GLIS3: variants seen among roughly 807,000 people sequenced by gnomAD.
GLIS3 encodes GLIS family zinc finger 3, also known as zinc finger protein GLIS3.
GLIS3 carries 53 observed loss-of-function variants against 78.6 expected under a neutral mutation model. The observed-to-expected ratio is 0.67, with a 90% CI of 0.54 to 0.85. GLIS3 has a LOEUF of 0.85. Among genes scored for constraint, GLIS3 ranks in the 40% least tolerant of loss-of-function variants. GLIS3 has a pLI of 0.00. For missense variants in GLIS3, 1,703 were observed against 1,231.1 expected (o/e 1.38, Z -5.74); for synonymous variants, 684 against 509.9 (o/e 1.34, Z -4.60).
intron 2 of GLIS3, among the ~76,000 whole-genome samples, chr9:4,184,058 G>C (rs747199595): frequency 1.8e-4 from 27 of 151,930 alleles, no homozygotes; most frequent in Non-Finnish European, 3.4e-4. Flanking sequence ...GGTTATAAAA[G>C]AAACAAGCAC....
intron 2 of GLIS3, among the ~76,000 whole-genome samples, chr9:4,218,054 A>C (rs1351389047): frequency 6.6e-6 from 1 of 152,216 alleles, no homozygotes; most frequent in Non-Finnish European, 1.5e-5. Flanking sequence ...TAATATGTCC[A>C]AGTGGATCTC....
chr9:4,239,365 C>T (rs563405994), intron 2 of GLIS3, among the ~76,000 whole-genome samples: 1 of 150,846 alleles, frequency 6.6e-6, no homozygotes, highest in Non-Finnish European at 1.5e-5. Context: ...TAGACGTTCA[C>T]GACTTTTTTT....
intron 4 of GLIS3, among the ~76,000 whole-genome samples, chr9:3,949,658 G>C (rs2130837640): frequency 6.6e-6 from 1 of 152,284 alleles, no homozygotes; most frequent in African/African-American, 2.4e-5. Context: ...GAAAAAGAAA[G>C]ATGTTTTCGA....
chr9:4,173,992 TA>T (rs749796593), intron 2 of GLIS3, among the ~76,000 whole-genome samples: 17 of 151,992 alleles, frequency 1.1e-4, no homozygotes, highest in African/African-American at 3.9e-4. Flanking sequence ...CCCATTTGTT[TA>T]AAAAAAACTT....
At chr9:4,092,413 A>G (rs919134396) in intron 4 of GLIS3, among the ~76,000 whole-genome samples, 1 of 152,108 alleles carries the variant, frequency 6.6e-6, no homozygotes, top group Admixed American at 6.6e-5. Flanking sequence ...CAGCCTCCCA[A>G]TAAACTTTAT....
At chr9:3,873,564 G>A (rs1401600911) in intron 8 of GLIS3, among the ~76,000 whole-genome samples, 2 of 151,944 alleles carry the variant, frequency 1.3e-5, no homozygotes, top group African/African-American at 2.4e-5. Flanking sequence ...GCTTGGTTGT[G>A]GGACATCCTA....
At chr9:3,983,957 A>G (rs1037949660) in intron 4 of GLIS3, among the ~76,000 whole-genome samples, 4 of 152,246 alleles carry the variant, frequency 2.6e-5, no homozygotes, top group African/African-American at 7.2e-5. Flanking sequence ...TGTTAATCCC[A>G]AAGACAATGG....
intron 2 of GLIS3, among the ~76,000 whole-genome samples, chr9:4,269,907 G>C (rs972027614): frequency 6.6e-6 from 1 of 152,124 alleles, no homozygotes; most frequent in African/African-American, 2.4e-5. Context: ...AGCCCAAACA[G>C]AGTACCTATA....
upstream of GLIS3, among the ~76,000 whole-genome samples, chr9:4,353,246 CCA>C (rs1817997390): frequency 6.6e-6 from 1 of 152,190 alleles, no homozygotes; most frequent in African/African-American, 2.4e-5. Context: ...CCAGGCAAAA[CCA>C]CAGGCTGGGT....
chr9:3,992,180 A>C (rs1162256006), intron 4 of GLIS3, among the ~76,000 whole-genome samples: 1 of 152,216 alleles, frequency 6.6e-6, no homozygotes, highest in East Asian at 1.9e-4. Flanking sequence ...TTTGGAGGAC[A>C]AGGAGTAGTG....
chr9:4,082,985 C>A (rs896848565), intron 4 of GLIS3, among the ~76,000 whole-genome samples: 1 of 152,134 alleles, frequency 6.6e-6, no homozygotes, highest in Non-Finnish European at 1.5e-5. Flanking sequence ...GTACCTTGTT[C>A]TCTGCAAGTG....
intron 2 of GLIS3, among the ~76,000 whole-genome samples, chr9:4,336,144 T>C (rs980134968): frequency 6.6e-6 from 1 of 152,160 alleles, no homozygotes; most frequent in Admixed American, 6.5e-5. Context: ...TAGAAAGCAA[T>C]AGTTCTCTGG....
intron 2 of GLIS3, among the ~76,000 whole-genome samples, chr9:4,139,366 C>T (rs1833635816): frequency 6.6e-6 from 1 of 152,136 alleles, no homozygotes; most frequent in Non-Finnish European, 1.5e-5. Context: ...AAGAACAATT[C>T]ATAAGTCAAG....
chr9:3,939,851 C>A (rs1826103130), intron 4 of GLIS3, among the ~76,000 whole-genome samples: 1 of 152,114 alleles, frequency 6.6e-6, no homozygotes, highest in Non-Finnish European at 1.5e-5. Context: ...CTTGCAGGAA[C>A]CATGGAACCC....
chr9:4,449,240 C>G, the GLIS3 span, among the ~76,000 whole-genome samples: 9 of 152,196 alleles, frequency 5.9e-5, no homozygotes, highest in Non-Finnish European at 2.9e-5. Context: ...CTGACATCAA[C>G]CTGCGAATCA....
intron 4 of GLIS3, among the ~76,000 whole-genome samples, chr9:3,959,104 C>T (rs2839895): frequency 0.13 from 20,033 of 152,186 alleles, 1,738 homozygotes; most frequent in East Asian, 0.47. Context: ...GAAACCCCAC[C>T]CTCTAAGGTG....
chr9:4,120,026 C>G (rs192939255), intron 3 of GLIS3, among the ~76,000 whole-genome samples: 2 of 152,284 alleles, frequency 1.3e-5, no homozygotes, highest in Admixed American at 1.3e-4. Flanking sequence ...ATTATATGTA[C>G]CTGCATTGAC....
intron 6 of GLIS3, among the ~76,000 whole-genome samples, chr9:3,925,860 C>G (rs1471723539): frequency 2.0e-5 from 3 of 152,190 alleles, no homozygotes; most frequent in Non-Finnish European, 4.4e-5. Flanking sequence ...GCCCTCGGAA[C>G]TTAATTCTCG....
chr9:4,413,263 T>C, the GLIS3 span, among the ~76,000 whole-genome samples: 2 of 152,212 alleles, frequency 1.3e-5, no homozygotes, highest in African/African-American at 2.4e-5. Context: ...TTAAATGAGA[T>C]TGTATATGGC....
Sources: gnomAD v4.1 joint callset for allele counts (sites outside exome capture counted in the v4.1 genomes callset) on GRCh38, gnomAD v4.1.1 for gene constraint, MANE v1.5 for transcripts, NCBI Gene and HGNC (gene_info 2026-07-23, HGNC 2026-07-21) for gene names.